TDRD1: variants seen among roughly 807,000 people sequenced by gnomAD.
TDRD1 encodes the protein tudor domain-containing protein 1.
A neutral mutation model predicts 140.6 loss-of-function variants in TDRD1; 37 were observed. That is an observed-to-expected ratio of 0.26 (90% CI 0.20 to 0.35). The LOEUF (loss-of-function observed/expected upper bound fraction) is 0.35, where lower values mean the gene tolerates loss of function less well. TDRD1 is among the 10% of genes least tolerant of loss of function. The pLI is 1.00. For synonymous variants in TDRD1, 506 were observed against 475.7 expected, an observed-to-expected ratio of 1.06 and a Z score of -0.83; for missense variants, 1,243 against 1,393.0, an observed-to-expected ratio of 0.89 and a Z score of 1.71.
chr10:114,221,230 T>C lies in TDRD1; in HGVS notation c.2771-127T>C, dbSNP rs79549039. On this transcript the variant is annotated intron_variant, in intron 19 of 25. Coordinates refer to ENST00000251864, the Ensembl canonical transcript of TDRD1. ...TGTTTTGTGAAAAAATACAGATTTT[T>C]ATTTTGGGGATTTGGAAATGTTGAT... 2,517 of 1,023,442 alleles carry C rather than the reference T, an allele frequency of 2.5e-3. 39 individuals are homozygous for C. The African/African-American group carries it at 0.038, about 15-fold the overall frequency. The allele number at this position is 1,023,442 out of a possible 1,614,324, so 63.4% of individuals were successfully genotyped here.
chr10:114,214,583 CGT>C (rs1437101311), intron 16 of TDRD1, among the ~76,000 whole-genome samples: 1 of 152,086 alleles, frequency 6.6e-6, no homozygotes, highest in Non-Finnish European at 1.5e-5. Context: ...ATTAGTGTAA[CGT>C]ATAGATACAT....
chr10:114,179,501 T>G (rs2032848216), intron 1 of TDRD1, 85 bp downstream of exon 1: 1 of 152,540 alleles, frequency 6.6e-6, no homozygotes. Flanking sequence ...GGCCAGACGT[T>G]GGGCGCTGGA....
At chr10:114,199,305 T>C in exon 4 of TDRD1, 2 of 1,606,800 alleles carry the variant, frequency 1.2e-6, no homozygotes, top group Non-Finnish European at 1.7e-6. Flanking sequence ...TTGCCATCGC[T>C]GTGGCCTATT....
intron 8 of TDRD1, 152 bp downstream of exon 8, chr10:114,203,719 C>A: frequency 1.4e-6 from 1 of 727,512 alleles, no homozygotes; most frequent in South Asian, 2.1e-5. Flanking sequence ...CTCTGTTCAC[C>A]TTGCTTCCTC....
At chr10:114,228,145 A>G (rs1174203494) in intron 25 of TDRD1, 1 of 1,557,576 alleles carries the variant, frequency 6.4e-7, no homozygotes, top group East Asian at 2.3e-5. Flanking sequence ...GTTAAATCGT[A>G]TGTTTTCGCC....
intron 4 of TDRD1, among the ~76,000 whole-genome samples, chr10:114,200,504 G>A (rs1415660952): frequency 2.0e-5 from 3 of 151,936 alleles, no homozygotes; most frequent in Non-Finnish European, 4.4e-5. Flanking sequence ...TTTATTTTTT[G>A]TTGTTGTTTT....
At chr10:114,192,515 C>G (rs1044586840) in intron 3 of TDRD1, among the ~76,000 whole-genome samples, 5 of 151,836 alleles carry the variant, frequency 3.3e-5, no homozygotes, top group African/African-American at 1.2e-4. Context: ...ACCGTGTTAG[C>G]CAGGATGGTC....
At chr10:114,177,834 CTTTTT>C (rs34189756), upstream of TDRD1, among the ~76,000 whole-genome samples, 2 of 131,118 alleles carry the variant, frequency 1.5e-5, no homozygotes, top group Non-Finnish European at 3.2e-5. Context: ...CTTTCTTTTT[CTTTTT>C]TTTTTTTTTT....
chr10:114,208,584 G>T (rs1371802477), intron 11 of TDRD1, among the ~76,000 whole-genome samples: 1 of 152,076 alleles, frequency 6.6e-6, no homozygotes, highest in Admixed American at 6.5e-5. Context: ...GCTGCACTCA[G>T]CCTGGCATTA....
At position 114,228,029 on chromosome 10, in the gene TDRD1, C is replaced by T; in HGVS notation, c.3451-9C>T. On this transcript the variant is annotated splice_polypyrimidine_tract_variant and intron_variant, in intron 24 of 25. Transcript: ENST00000251864. ...AAATTAAATCATATGGTTTCTTTTT[C>T]ACCCACAGGTTGAAAAACATGAACA... is the stretch of plus-strand genomic sequence containing the variant. 1 of 1,609,546 alleles carries T rather than the reference C, an allele frequency of 6.2e-7. No individual in the cohort carries two copies. Among genetic ancestry groups the T allele is most frequent in the South Asian group, 1.1e-5 (1 of 89,874 alleles).
chr10:114,227,302 ATTC>A lies in TDRD1; in HGVS notation c.3403+6_3403+8del, dbSNP rs1369417110. The stretch of plus-strand genomic sequence containing the variant: ...AAGGCAGAGTGCTTTAAATACAGGT[ATTC>A]TTTTCAAGTGTTATTAATAACAGAT... On this transcript the variant is annotated splice_donor_5th_base_variant and intron_variant, in intron 23 of 25. Transcript: ENST00000251864. 6 of 1,588,006 alleles carry A rather than the reference ATTC, an allele frequency of 3.8e-6. No individual in the cohort carries two copies. The highest frequency in any genetic ancestry group is 5.2e-6 in the Non-Finnish European group (6 of 1,156,660).
upstream of TDRD1, among the ~76,000 whole-genome samples, chr10:114,178,698 C>G (rs770539771): frequency 4.6e-5 from 7 of 152,058 alleles, no homozygotes; most frequent in Non-Finnish European, 1.0e-4. Context: ...CAGAAGCAGA[C>G]GTTCGCTACT....
chr10:114,199,235 C>G (rs1836086618), exon 4 of TDRD1: 3 of 1,614,048 alleles, frequency 1.9e-6, no homozygotes, highest in Non-Finnish European at 2.5e-6. Context: ...TCGAGAATTC[C>G]TTGTCCATAA....
In TDRD1 at chr10:114,203,021, T is replaced by G. The variant is rs368545965; in HGVS notation, c.697-51T>G. On this transcript the variant is annotated intron_variant, in intron 6 of 25. Coordinates refer to ENST00000251864, the Ensembl canonical transcript of TDRD1. ...CCGACGTGTAGTGGCCATAGAATCA[T>G]TGAAACATGTGCTTTTAAGTAACTC... 29 of 1,253,204 alleles carry G rather than the reference T, an allele frequency of 2.3e-5. No individual in the cohort carries two copies. The African/African-American group carries it at 3.8e-4, about 17-fold the overall frequency. The allele number at this position is 1,253,204 out of a possible 1,614,324, so 77.6% of individuals were successfully genotyped here. A position where few individuals can be genotyped will look rare whatever the true frequency, so the allele number is the denominator to read the frequency against.
intron 2 of TDRD1, among the ~76,000 whole-genome samples, chr10:114,189,081 C>T (rs2033769287): frequency 6.6e-6 from 1 of 152,136 alleles, no homozygotes; most frequent in Non-Finnish European, 1.5e-5. Context: ...ACTAATGGTG[C>T]AAAAGCAAAT....
chr10:114,194,249 GAGA>G (rs1478300724), intron 3 of TDRD1, among the ~76,000 whole-genome samples: 1 of 152,196 alleles, frequency 6.6e-6, no homozygotes, highest in Non-Finnish European at 1.5e-5. Flanking sequence ...TTTGCTGGAA[GAGA>G]AATTGTATAG....
At chr10:114,193,289 C>CTTTTTTTT (rs1170053036) in intron 3 of TDRD1, among the ~76,000 whole-genome samples, 5 of 83,702 alleles carry the variant, frequency 6.0e-5, no homozygotes, top group African/African-American at 1.0e-4. Flanking sequence ...TTGCTGAAGT[C>CTTTTTTTT]TTTTTTTTTT....
At chr10:114,199,972 G>A (rs2034621839) in intron 4 of TDRD1, among the ~76,000 whole-genome samples, 1 of 152,198 alleles carries the variant, frequency 6.6e-6, no homozygotes, top group Non-Finnish European at 1.5e-5. Context: ...TGCACAGGTA[G>A]ACACACAATG....
At chr10:114,189,102 G>C (rs563213381) in intron 2 of TDRD1, among the ~76,000 whole-genome samples, 1 of 152,314 alleles carries the variant, frequency 6.6e-6, no homozygotes, top group East Asian at 1.9e-4. Flanking sequence ...TATTAGCTCA[G>C]CTTAAGGCAG....
Sources: gnomAD v4.1 joint callset for allele counts (sites outside exome capture counted in the v4.1 genomes callset) on GRCh38, gnomAD v4.1.1 for gene constraint, MANE v1.5 for transcripts, NCBI Gene and HGNC (gene_info 2026-07-23, HGNC 2026-07-21) for gene names.